Variants in STOX2 observed in about 807,000 individuals in gnomAD.
STOX2 encodes storkhead box 2.
A neutral mutation model predicts 60.9 loss-of-function variants in STOX2; 28 were observed. The observed-to-expected ratio is 0.46, with a 90% CI of 0.34 to 0.63. STOX2 has a LOEUF of 0.63. Among genes scored for constraint, STOX2 ranks in the 30% least tolerant of loss-of-function variants. The pLI is 0.01. For missense variants in STOX2, 1,024 were observed against 1,187.7 expected, an observed-to-expected ratio of 0.86 and a Z score of 2.03; for synonymous variants, 472 against 463.9, an observed-to-expected ratio of 1.02 and a Z score of -0.22.
rs148196554 is a variant in STOX2 at position 183,965,657 on chromosome 4, G to C, written c.167-35668G>C. 6.3e-3 allele frequency among the ~76,000 whole-genome samples: 953 copies of C among 152,266 alleles called. 12 individuals carry two copies. The highest frequency in any genetic ancestry group is 0.021 in the African/African-American group (876 of 41,536). On this transcript the variant is annotated intron_variant, in intron 1 of 3. Coordinates refer to ENST00000308497, the MANE Select transcript of STOX2 (RefSeq NM_020225.3). Reference sequence around the variant, plus strand: ...CATTAGGGGTTTATCATTGGAAAAGGGGTAAGAGAGGAGCTTTAGACGGGA... The same window carrying C: ...CATTAGGGGTTTATCATTGGAAAAGCGGTAAGAGAGGAGCTTTAGACGGGA...
Position 184,011,301 on chromosome 4 carries a change from C to T in STOX2, c.2463C>T (p.Asn821=). 1 of 1,613,978 alleles carries T rather than the reference C, an allele frequency of 6.2e-7. No homozygotes were observed. Among genetic ancestry groups the T allele is most frequent in the Non-Finnish European group, 8.5e-7 (1 of 1,179,876 alleles). Residue 821 remains asparagine, a synonymous_variant, in exon 3 of 4, where the codon AAC becomes AAT. Coordinates refer to ENST00000308497, the MANE Select transcript of STOX2 (RefSeq NM_020225.3). This position sits in a 1 kb window ranked among gnomAD's most constrained non-coding sequence, Gnocchi z 4.4. ...ERDLQRKFEK[N]LTLLAPKETD... ...ACTTGCAGAGGAAATTTGAAAAGAA[C>T]CTCACCCTTCTTGCTCCAAAAGAAA...
At chr4:183,846,916 C>T (rs1224544117) in intron 1 of STOX2, among the ~76,000 whole-genome samples, 2 of 152,002 alleles carry the variant, frequency 1.3e-5, no homozygotes, top group Admixed American at 6.6e-5. Flanking sequence ...ACTTGTTGCA[C>T]CTGCTTATTG....
intron 2 of STOX2, among the ~76,000 whole-genome samples, chr4:184,004,403 T>C (rs1426918912): frequency 6.6e-6 from 1 of 151,952 alleles, no homozygotes; most frequent in Non-Finnish European, 1.5e-5. Flanking sequence ...ATCGAGACCA[T>C]CCTGGTTAAC....
At chr4:183,827,582 G>A (rs1739465303) in intron 1 of STOX2, among the ~76,000 whole-genome samples, 1 of 152,092 alleles carries the variant, frequency 6.6e-6, no homozygotes, top group Non-Finnish European at 1.5e-5. Context: ...TCAACACATG[G>A]CCCATGTTGT....
chr4:183,827,972 T>C (rs1297719338), intron 1 of STOX2, among the ~76,000 whole-genome samples: 1 of 152,164 alleles, frequency 6.6e-6, no homozygotes, highest in East Asian at 1.9e-4. Context: ...ATATTATTGG[T>C]AATTCCTTAA....
At chr4:183,831,902 CT>C (rs1473492817) in intron 1 of STOX2, among the ~76,000 whole-genome samples, 2 of 152,028 alleles carry the variant, frequency 1.3e-5, no homozygotes, top group African/African-American at 4.8e-5. Context: ...CCAATTTTTC[CT>C]GTTTCCAGGC....
chr4:183,798,583 G>T, intron 1 of STOX2: 1 of 976,804 alleles, frequency 1.0e-6, no homozygotes, highest in Non-Finnish European at 1.2e-6. Context: ...TGAGTGTTGC[G>T]CGCACGCATT....
At chr4:183,918,617 G>T (rs1307208955) in intron 1 of STOX2, among the ~76,000 whole-genome samples, 1 of 152,226 alleles carries the variant, frequency 6.6e-6, no homozygotes. Context: ...TGAAAGTAAA[G>T]CCAGTAGGCT....
rs79972671 is a variant in STOX2, at chr4:183,860,708, A to G, written c.364+62653A>G. On this transcript the variant is annotated intron_variant, in intron 1 of 2. Coordinates refer to the STOX2 transcript ENST00000513034. ...TAAGGAAACTTCAAAGGTAAGACAA[A>G]AGGCCGTTCTTTTTATTTATTTGAT... Among the ~76,000 whole-genome samples, 1,465 of 152,318 alleles carry G rather than the reference A, an allele frequency of 9.6e-3. 29 individuals are homozygous for G. Among genetic ancestry groups the G allele is most frequent in the African/African-American group, 0.034 (1,406 of 41,564 alleles).
chr4:183,876,913 A>G (rs1284331819), intron 1 of STOX2, among the ~76,000 whole-genome samples: 1 of 152,216 alleles, frequency 6.6e-6, no homozygotes, highest in Admixed American at 6.5e-5. Flanking sequence ...AACGGTTGAC[A>G]GTAGTTCCTG....
At chr4:183,803,838 C>T (rs959003908) in intron 1 of STOX2, among the ~76,000 whole-genome samples, 2 of 152,030 alleles carry the variant, frequency 1.3e-5, no homozygotes, top group Non-Finnish European at 2.9e-5. Context: ...TGGCAGACAC[C>T]TGTAATCCTA....
At chr4:184,008,802 T>C (rs1231599098) in intron 2 of STOX2, among the ~76,000 whole-genome samples, 1 of 152,234 alleles carries the variant, frequency 6.6e-6, no homozygotes, top group Non-Finnish European at 1.5e-5. Flanking sequence ...TTCTATACTT[T>C]CATATCATAT....
At chr4:183,889,478 C>T (rs1435173808) in intron 1 of STOX2, among the ~76,000 whole-genome samples, 1 of 152,238 alleles carries the variant, frequency 6.6e-6, no homozygotes, top group African/African-American at 2.4e-5. Context: ...GTCCCCAGAA[C>T]TGTGAGACAG....
intron 1 of STOX2, among the ~76,000 whole-genome samples, chr4:183,818,973 C>T (rs1739231639): frequency 6.6e-6 from 1 of 152,100 alleles, no homozygotes; most frequent in African/African-American, 2.4e-5. Flanking sequence ...GGGCTCCTCA[C>T]ATCTCAGACG....
At chr4:183,930,146 G>A (rs1182274613) in intron 1 of STOX2, among the ~76,000 whole-genome samples, 2 of 148,772 alleles carry the variant, frequency 1.3e-5, no homozygotes, top group African/African-American at 5.0e-5. Flanking sequence ...TTACAGGCGT[G>A]AGCCACTGCA....
chr4:183,829,891 C>A (rs1263311723), intron 1 of STOX2, among the ~76,000 whole-genome samples: 4 of 152,208 alleles, frequency 2.6e-5, no homozygotes, highest in African/African-American at 9.7e-5. Context: ...GAAAAGTGAA[C>A]ACTTACTGAG....
intron 1 of STOX2, among the ~76,000 whole-genome samples, chr4:183,814,520 A>G (rs1739106565): frequency 6.6e-6 from 1 of 152,212 alleles, no homozygotes; most frequent in Non-Finnish European, 1.5e-5. Context: ...CTGCATCGGG[A>G]CCAGGTCTGC....
At chr4:183,820,087 CCTGA>C (rs1435802874) in intron 1 of STOX2, among the ~76,000 whole-genome samples, 7 of 152,126 alleles carry the variant, frequency 4.6e-5, no homozygotes, top group Non-Finnish European at 8.8e-5. Flanking sequence ...CTGAAAAAAT[CCTGA>C]CTTTTTCTTT....
In STOX2 at chr4:184,019,650, C is replaced by T. The variant is rs1734501045; in HGVS notation, c.*2366C>T. 6.6e-6 allele frequency: 1 copy of T among 152,158 alleles called. No individual in the cohort carries two copies. The highest frequency in any genetic ancestry group is 6.5e-5 in the Admixed American group (1 of 15,274). The allele number at this position is 152,158 out of a possible 1,614,324, so 9.4% of individuals were successfully genotyped here. A position where few individuals can be genotyped will look rare whatever the true frequency, so the allele number is the denominator to read the frequency against. ...TTCAAATAAATATGTACACTATTTG[C>T]CTGATGCTATGGGGTACATAATTTT... On this transcript the variant is annotated 3_prime_UTR_variant, in exon 4 of 4. Coordinates refer to ENST00000308497, the MANE Select transcript of STOX2 (RefSeq NM_020225.3).
Sources: allele counts gnomAD v4.1 joint callset (sites outside exome capture counted in the v4.1 genomes callset), GRCh38; gene constraint gnomAD v4.1.1; non-coding constraint Gnocchi (gnomAD v3.1); transcripts MANE v1.5; gene names NCBI Gene and HGNC (gene_info 2026-07-23, HGNC 2026-07-21).